The following FRAS1 variants were observed in gnomAD, a reference collection of about 807,000 sequenced individuals.
The protein encoded by FRAS1 is extracellular matrix organizing protein FRAS1.
A neutral mutation model predicts 435.2 loss-of-function variants in FRAS1; 290 were observed. That is an observed-to-expected ratio of 0.67 (90% CI 0.61 to 0.73). FRAS1 has a LOEUF of 0.73. Among genes scored for constraint, FRAS1 ranks in the 30% least tolerant of loss-of-function variants. FRAS1 has a pLI of 0.00. For synonymous variants in FRAS1, 1,800 were observed against 1,851.0 expected (o/e 0.97, Z 0.71); for missense variants, 4,860 against 5,001.5 (o/e 0.97, Z 0.85).
In FRAS1 at chr4:78,481,874, G is replaced by A. The variant is rs763289753; in HGVS notation, c.8514G>A (p.Thr2838=). The A allele has an allele frequency of 1.1e-5, 17 of 1,613,726 alleles. No homozygotes were observed. The highest frequency in any genetic ancestry group is 1.6e-4 in the Middle Eastern group (1 of 6,082). ...CTTTCGCATCTGTCTGGTGTGCAAC[G>A]CGGCCCTCAGACCCAGCTTCTGCCA... The part of the protein sequence containing the change: ...LSTFASVWCA[T]RPSDPASATP... The change falls in exon 57 of 74, where the codon ACG becomes ACA. Residue 2838 remains threonine, a synonymous_variant. Transcript: ENST00000512123.
chr4:78,147,547 C>G (rs1488471402), intron 2 of FRAS1, among the ~76,000 whole-genome samples: 1 of 152,140 alleles, frequency 6.6e-6, no homozygotes, highest in Non-Finnish European at 1.5e-5. Flanking sequence ...AAGGCCTTAG[C>G]TTTAGACCTG....
intron 17 of FRAS1, 124 bp from the exon 18 acceptor site, chr4:78,318,686 T>C: frequency 2.2e-6 from 2 of 918,210 alleles, no homozygotes; most frequent in Non-Finnish European, 3.2e-6. Flanking sequence ...TATAGAACAT[T>C]AGAAAAATAA....
intron 2 of FRAS1, among the ~76,000 whole-genome samples, chr4:78,225,446 G>A (rs927301058): frequency 6.6e-6 from 1 of 152,142 alleles, no homozygotes; most frequent in African/African-American, 2.4e-5. Flanking sequence ...CTTGGTAAAG[G>A]CCAAGTCTGG....
Position 78,429,111 on chromosome 4 carries a change from C to A in FRAS1, c.4728C>A (p.His1576Gln). 1 of 1,556,732 alleles carries A rather than the reference C, an allele frequency of 6.4e-7. No homozygotes were observed. Among genetic ancestry groups the A allele is most frequent in the East Asian group, 2.4e-5 (1 of 41,330 alleles). The change falls in exon 36 of 74, where the codon CAC (histidine) becomes CAA (glutamine). Residue 1576 changes from histidine to glutamine, a missense_variant. Transcript: ENST00000512123. ...KFHFTVSDGE[H>Q]TSPEMVLTIH... ...CCTTTTTAGTTTCAGATGGAGAACA[C>A]ACAAGTCCGGAGATGGTCCTCACCA...
intron 2 of FRAS1, among the ~76,000 whole-genome samples, chr4:78,096,369 G>A (rs1741809183): frequency 6.6e-6 from 1 of 152,182 alleles, no homozygotes; most frequent in South Asian, 2.1e-4. Context: ...TACCATTCCG[G>A]GGTCTGGAGG....
At position 78,542,497 on chromosome 4, in the gene FRAS1, TGCATG is replaced by T. The variant is rs766987988; in HGVS notation, c.*1377_*1381del. 2.0e-5 allele frequency: 3 copies of T among 152,698 alleles called. No individual in the cohort carries two copies. The highest frequency in any genetic ancestry group is 2.9e-5 in the Non-Finnish European group (2 of 68,044). 9.5% of individuals were successfully genotyped at this position (152,698 alleles called of 1,614,324 possible). The stretch of plus-strand genomic sequence containing the variant: ...GAGTAAAAGACATGTCCTCTTCTGA[TGCATG>T]GCACACCATAGTCACCAAGCAAATA... On this transcript the variant is annotated 3_prime_UTR_variant, in exon 74 of 74. Coordinates refer to ENST00000512123, the MANE Select transcript of FRAS1 (RefSeq NM_025074.7).
chr4:78,458,011 A>T (rs1392857172), intron 47 of FRAS1, among the ~76,000 whole-genome samples: 3 of 152,196 alleles, frequency 2.0e-5, no homozygotes, highest in African/African-American at 7.2e-5. Context: ...TGTGGCTTGG[A>T]CAGATAATAT....
In FRAS1 at chr4:78,064,228, A is replaced by T. The variant is rs575736736; in HGVS notation, c.77-1757A>T. Among the ~76,000 whole-genome samples, 4 of 150,886 alleles carry T rather than the reference A, an allele frequency of 2.7e-5. No homozygotes were observed. In the South Asian group the frequency reaches 6.2e-4, roughly 24 times the overall value. On this transcript the variant is annotated intron_variant, in intron 1 of 73. Transcript: ENST00000512123. ...ATAAAAATAAATAAATAAATAAAAT[A>T]AAAAAATAGGGAGTGTCTATAAAAT...
chr4:78,443,102 A>C (rs1434509378), intron 41 of FRAS1, among the ~76,000 whole-genome samples: 3 of 152,156 alleles, frequency 2.0e-5, no homozygotes. Flanking sequence ...TCATTTCAGC[A>C]CTTTGGGAGG....
chr4:78,166,579 G>A (rs887097573), intron 2 of FRAS1, among the ~76,000 whole-genome samples: 9 of 152,074 alleles, frequency 5.9e-5, no homozygotes, highest in Admixed American at 5.2e-4. Flanking sequence ...TACTATAGAC[G>A]TTTAGTAAAT....
At chr4:78,150,418 A>C (rs1035700882) in intron 2 of FRAS1, among the ~76,000 whole-genome samples, 9 of 152,214 alleles carry the variant, frequency 5.9e-5, no homozygotes, top group Admixed American at 5.9e-4. Flanking sequence ...ATCTTCTCGG[A>C]ACACAGATTG....
intron 69 of FRAS1, among the ~76,000 whole-genome samples, 162 bp from the exon 70 acceptor site, chr4:78,526,379 G>A (rs1329992471): frequency 6.6e-6 from 1 of 152,202 alleles, no homozygotes; most frequent in Non-Finnish European, 1.5e-5. Flanking sequence ...TAGGATAATT[G>A]AAGATGAGTT....
chr4:78,358,213 C>G (rs561122525), intron 20 of FRAS1, among the ~76,000 whole-genome samples: 1 of 152,160 alleles, frequency 6.6e-6, no homozygotes, highest in African/African-American at 2.4e-5. Flanking sequence ...AAAAAAAACT[C>G]TTTTCATACT....
At chr4:78,085,739 T>A (rs916595308) in intron 2 of FRAS1, among the ~76,000 whole-genome samples, 1 of 152,140 alleles carries the variant, frequency 6.6e-6, no homozygotes, top group Non-Finnish European at 1.5e-5. Flanking sequence ...CCTAAATATA[T>A]ATGCACCCAA....
chr4:78,454,190 G>A (rs1039181176), intron 47 of FRAS1, among the ~76,000 whole-genome samples: 3 of 150,092 alleles, frequency 2.0e-5, no homozygotes, highest in African/African-American at 7.4e-5. Context: ...AAAAAAAAAG[G>A]ACATTCCAGA....
At chr4:78,499,222 G>A (rs1720603914) in intron 60 of FRAS1, among the ~76,000 whole-genome samples, 1 of 152,166 alleles carries the variant, frequency 6.6e-6, no homozygotes, top group African/African-American at 2.4e-5. Context: ...ACTAAGAGGA[G>A]GGGGTCCAAA....
intron 6 of FRAS1, among the ~76,000 whole-genome samples, chr4:78,256,059 G>A (rs577904669): frequency 1.4e-4 from 22 of 152,194 alleles, no homozygotes; most frequent in African/African-American, 5.3e-4. Flanking sequence ...TCAAAAAATA[G>A]CTCATTTTTT....
At chr4:78,265,909 A>G (rs1217626340) in intron 7 of FRAS1, among the ~76,000 whole-genome samples, 1 of 152,196 alleles carries the variant, frequency 6.6e-6, no homozygotes, top group African/African-American at 2.4e-5. Flanking sequence ...TGAAATCTGA[A>G]TGAAAATAAC....
At chr4:78,373,969 AGACTCCTT>A in intron 24 of FRAS1, 134 bp from the exon 25 acceptor site, 1 of 629,962 alleles carries the variant, frequency 1.6e-6, no homozygotes, top group Non-Finnish European at 2.4e-6. Flanking sequence ...ACCAGAACCC[AGACTCCTT>A]GACTCTTCAT....
Sources: allele counts gnomAD v4.1 joint callset (sites outside exome capture counted in the v4.1 genomes callset), GRCh38; gene constraint gnomAD v4.1.1; transcripts MANE v1.5; gene names NCBI Gene and HGNC (gene_info 2026-07-23, HGNC 2026-07-21).